KRT15: variants seen among roughly 807,000 people sequenced by gnomAD.
KRT15 encodes the protein keratin, type I cytoskeletal 15.
Under a neutral mutation model 46.6 loss-of-function variants are expected in KRT15, and 45 were observed. The ratio of observed to expected loss-of-function variants is 0.97; its 90% CI spans 0.76 to 1.24. The LOEUF is 1.24. Ranked by LOEUF, KRT15 falls within the 50% of genes most tolerant of loss-of-function variation. The probability of loss-of-function intolerance (pLI) is 0.00; values close to 1 mark genes in which losing one functional copy is unlikely to be tolerated. For missense variants in KRT15, 592 were observed against 588.9 expected, an observed-to-expected ratio of 1.01 and a Z score of -0.05; for synonymous variants, 221 against 233.8, an observed-to-expected ratio of 0.95 and a Z score of 0.50.
chr17:41,517,045 G>A, intron 2 of KRT15, 38 bp downstream of exon 2: 1 of 1,613,966 alleles, frequency 6.2e-7, no homozygotes, highest in Non-Finnish European at 8.5e-7. Flanking sequence ...CAAGTAAAGT[G>A]GGCAATGCAG....
intron 6 of KRT15, 159 bp downstream of exon 6, chr17:41,515,313 A>G: frequency 1.6e-6 from 1 of 624,930 alleles, no homozygotes; most frequent in South Asian, 1.9e-5. Flanking sequence ...GTAACAGCCA[A>G]GGACCAGAGT....
chr17:41,516,809 T>A lies in KRT15; in HGVS notation c.737A>T (p.Glu246Val). The change falls in exon 3 of 8, where the codon GAG becomes GTG. Residue 246 changes from glutamate (E) to valine (V), a missense_variant and splice_region_variant. Physicochemically the swap from Glu to Val is moderately radical, Grantham distance 121. Transcript: ENST00000254043. ...ELAYLKKNHE[E>V]EMKEFSSQLA... ...GGGGTGATGGGGGCCAGCTCTCACC[T>A]CTTCGTGGTTCTTCTTCAGGTAGGC... 8 of 1,614,168 alleles carry A rather than the reference T, an allele frequency of 5.0e-6. No homozygotes were observed. The highest frequency in any genetic ancestry group is 5.9e-6 in the Non-Finnish European group (7 of 1,179,998).
chr17:41,517,051 T>G, intron 2 of KRT15, 32 bp downstream of exon 2: 2 of 1,614,072 alleles, frequency 1.2e-6, no homozygotes, highest in Non-Finnish European at 8.5e-7. Context: ...AAGTGGGCAA[T>G]GCAGGAAGAG....
At chr17:41,517,882 G>T (rs1225709478) in intron 1 of KRT15, among the ~76,000 whole-genome samples, 1 of 152,082 alleles carries the variant, frequency 6.6e-6, no homozygotes, top group Non-Finnish European at 1.5e-5. Flanking sequence ...AGGGCGAGTT[G>T]CTCTTTTTTT....
intron 1 of KRT15, 116 bp downstream of exon 1, chr17:41,518,214 G>T: frequency 8.1e-7 from 1 of 1,235,162 alleles, no homozygotes; most frequent in Non-Finnish European, 1.1e-6. Flanking sequence ...TTACATACCA[G>T]ACAGTCATTG....
chr17:41,518,075 C>T (rs1340834010), intron 1 of KRT15, among the ~76,000 whole-genome samples: 3 of 152,082 alleles, frequency 2.0e-5, no homozygotes, highest in Admixed American at 1.3e-4. Flanking sequence ...TAATTGCCCC[C>T]ACCTGTGCCC....
In KRT15 at chr17:41,516,410, A is replaced by G. The variant is rs533469789; in HGVS notation, c.739-145T>C. On this transcript the variant is annotated intron_variant, in intron 3 of 7. Coordinates refer to ENST00000254043, the MANE Select transcript of KRT15 (RefSeq NM_002275.4). ...CACATGAAGAGGTTTGGTCACATGG[A>G]CCCCTCAGCTCTAAGGAGTTCTCTG... 1.7e-5 allele frequency: 15 copies of G among 878,012 alleles called. No individual in the cohort carries two copies. In the East Asian group the frequency reaches 3.4e-4, roughly 20 times the overall value. 54.4% of individuals were successfully genotyped at this position (878,012 alleles called of 1,614,324 possible). A position where few individuals can be genotyped will look rare whatever the true frequency, so the allele number is the denominator to read the frequency against.
At chr17:41,515,424 A>G in intron 6 of KRT15, 48 bp downstream of exon 6, 1 of 1,542,064 alleles carries the variant, frequency 6.5e-7, no homozygotes, top group Non-Finnish European at 8.9e-7. Flanking sequence ...CCTGCACCCT[A>G]GCCACAAGCA....
chr17:41,514,953 G>A (rs142325405), intron 6 of KRT15: 53 of 348,632 alleles, frequency 1.5e-4, no homozygotes, highest in Middle Eastern at 8.3e-4. Flanking sequence ...TGAAACCTCC[G>A]CCTCCCGGGT....
At chr17:41,516,663 A>T (rs751252860) in intron 3 of KRT15, 145 bp downstream of exon 3, 34 of 921,686 alleles carry the variant, frequency 3.7e-5, no homozygotes, top group Admixed American at 4.9e-5. Flanking sequence ...CAACAGCCCC[A>T]CTCTGCCTCC....
In KRT15 at chr17:41,517,149, ATGGTGG is replaced by A; in HGVS notation, c.509_514del (p.Thr170_Thr171del). 6.2e-7 allele frequency: 1 copy of A among 1,614,106 alleles called. No individual in the cohort carries two copies. The highest frequency in any genetic ancestry group is 1.1e-5 in the South Asian group (1 of 91,080). ...CTCCAGGATGACCCGGGAGTTGTCG[ATGGTGG>A]TGGCCATGATCTGCAGGAGACAGAG... On this transcript the variant is annotated inframe_deletion, in exon 2 of 8. Transcript: ENST00000254043.
chr17:41,514,635 T>C lies in KRT15; in HGVS notation c.1273+14A>G. Reference sequence around the variant, plus strand: ...CCCTCCCCACCCCACACCAGAAGAGTAAAGCCTTCCTACCTTCCCTGATGG... The same window carrying C: ...CCCTCCCCACCCCACACCAGAAGAGCAAAGCCTTCCTACCTTCCCTGATGG... On this transcript the variant is annotated intron_variant, in intron 7 of 7. Transcript: ENST00000254043. The C allele has an allele frequency of 6.2e-7, 1 of 1,612,810 alleles. No homozygotes were observed. The highest frequency in any genetic ancestry group is 8.5e-7 in the Non-Finnish European group (1 of 1,179,122).
chr17:41,515,055 C>T lies in KRT15; in HGVS notation c.1248-381G>A, dbSNP rs184240423. On this transcript the variant is annotated intron_variant, in intron 6 of 7. Coordinates refer to ENST00000254043, the MANE Select transcript of KRT15 (RefSeq NM_002275.4). ...CTAATTTTTGTATTTTTAGTAGAGA[C>T]GGGGTTTCACCATATTGGCCATGCT... 712 of 281,818 alleles carry T rather than the reference C, an allele frequency of 2.5e-3. 1 individual carries two copies. The highest frequency in any genetic ancestry group is 3.9e-3 in the Admixed American group (82 of 20,978). 17.5% of individuals were successfully genotyped at this position (281,818 alleles called of 1,614,324 possible).
chr17:41,516,092 T>C lies in KRT15; in HGVS notation c.900+12A>G. The stretch of plus-strand genomic sequence containing the variant: ...CTGGGGCAGGAAGGGCAGGGCAGGA[T>C]ATAAGGCCCACCTTGCTGAAGAACC... On this transcript the variant is annotated intron_variant, in intron 4 of 7. Coordinates refer to ENST00000254043, the MANE Select transcript of KRT15 (RefSeq NM_002275.4). 1 of 1,614,102 alleles carries C rather than the reference T, an allele frequency of 6.2e-7. No individual in the cohort carries two copies. The highest frequency in any genetic ancestry group is 8.5e-7 in the Non-Finnish European group (1 of 1,179,994).
At chr17:41,516,762 T>C (rs1408959311) in intron 3 of KRT15, 46 bp downstream of exon 3, 2 of 1,606,426 alleles carry the variant, frequency 1.2e-6, no homozygotes, top group Non-Finnish European at 8.5e-7. Context: ...TGGGAAGAGG[T>C]TCCCCACCTC....
At chr17:41,514,858 ATTTTG>A (rs762683481) in intron 6 of KRT15, 184 bp from the exon 7 acceptor site, 51 of 563,714 alleles carry the variant, frequency 9.0e-5, no homozygotes, top group Admixed American at 1.3e-4. Flanking sequence ...AAGTAGACAG[ATTTTG>A]TTTTGTTTTG....
At chr17:41,516,303 A>T in intron 3 of KRT15, 38 bp from the exon 4 acceptor site, 1 of 1,590,972 alleles carries the variant, frequency 6.3e-7, no homozygotes, top group South Asian at 1.1e-5. Flanking sequence ...GACGGAGAGC[A>T]GAAGAGAGAC....
At position 41,516,984 on chromosome 17, in the gene KRT15, A is replaced by C; in HGVS notation, c.582-20T>G. ...TCATACCTGAGGAGAGGGAGGCCAA[A>C]GAAGGAAGTGGGAGGGGTCTTGGCT... On this transcript the variant is annotated intron_variant, in intron 2 of 7. Coordinates refer to ENST00000254043, the MANE Select transcript of KRT15 (RefSeq NM_002275.4). 6.2e-7 allele frequency: 1 copy of C among 1,614,214 alleles called. No homozygotes were observed. Among genetic ancestry groups the C allele is most frequent in the Non-Finnish European group, 8.5e-7 (1 of 1,180,030 alleles).
chr17:41,515,547 A>G lies in KRT15; in HGVS notation c.1172T>C (p.Met391Thr). 6.2e-7 allele frequency: 1 copy of G among 1,614,052 alleles called. No individual in the cohort carries two copies. The highest frequency in any genetic ancestry group is 8.5e-7 in the Non-Finnish European group (1 of 1,180,028). Residue 391 changes from methionine to threonine, a missense_variant, in exon 6 of 8, where the codon ATG (methionine) becomes ACG (threonine). Coordinates refer to ENST00000254043, the MANE Select transcript of KRT15 (RefSeq NM_002275.4). ...EMEAQNQEYK[M>T]LLDIKTRLEQ... is the part of the protein sequence containing the mutation. ...CAGCCGTGTCTTTATGTCAAGCAGCATCTTGTACTCCTGGTTCTGAGCCTC... is the reference window on the plus strand; with the variant it reads ...CAGCCGTGTCTTTATGTCAAGCAGCGTCTTGTACTCCTGGTTCTGAGCCTC...
Sources: gnomAD v4.1 joint callset for allele counts (sites outside exome capture counted in the v4.1 genomes callset) on GRCh38, gnomAD v4.1.1 for gene constraint, MANE v1.5 for transcripts, NCBI Gene and HGNC (gene_info 2026-07-23, HGNC 2026-07-21) for gene names.